The following CDH13 variants were observed in gnomAD, a reference collection of about 807,000 sequenced individuals.
CDH13 encodes cadherin-13.
A neutral mutation model predicts 63.8 loss-of-function variants in CDH13; 24 were observed. The ratio of observed to expected loss-of-function variants is 0.38; its 90% CI spans 0.27 to 0.53. The LOEUF is 0.53. Ranked by LOEUF, CDH13 falls within the 20% of genes least tolerant of loss-of-function variation. CDH13 has a pLI of 0.85. For synonymous variants in CDH13, 503 were observed against 355.3 expected (o/e 1.42, Z -4.67); for missense variants, 1,049 against 903.1 (o/e 1.16, Z -2.07).
chr16:82,915,126 G>C (rs1213790696), intron 2 of CDH13, among the ~76,000 whole-genome samples: 2 of 152,192 alleles, frequency 1.3e-5, no homozygotes, highest in African/African-American at 4.8e-5. Context: ...ACTCAAGCCT[G>C]GATGCTCTCT....
chr16:82,824,827 A>C (rs1204890462), intron 1 of CDH13: 2 of 152,230 alleles, frequency 1.3e-5, no homozygotes. Context: ...CTGCAAAAAA[A>C]TTTGTTAGAA....
chr16:83,459,754 A>T (rs189402902), intron 6 of CDH13, among the ~76,000 whole-genome samples: 59 of 152,336 alleles, frequency 3.9e-4, no homozygotes, highest in African/African-American at 1.3e-3. Context: ...TCAACTGCAT[A>T]AGGAGGTGAA....
At chr16:83,222,941 A>G (rs2151794724) in intron 5 of CDH13, among the ~76,000 whole-genome samples, 1 of 152,160 alleles carries the variant, frequency 6.6e-6, no homozygotes, top group Non-Finnish European at 1.5e-5. Flanking sequence ...TGTGAATTGT[A>G]GGAGGCTTAG....
Position 83,789,409 on chromosome 16 carries a change from C to T in CDH13, c.2135-5614C>T, listed in dbSNP as rs768931205. Reference sequence around the variant, plus strand: ...TCACCCAGGCTGGAGTGCAAGGGCGCGATTTTGGCTCACTGCAACTTCTGC... The same window carrying T: ...TCACCCAGGCTGGAGTGCAAGGGCGTGATTTTGGCTCACTGCAACTTCTGC... On this transcript the variant is annotated intron_variant, in intron 13 of 13. Transcript: ENST00000567109. 9.5e-5 allele frequency among the ~76,000 whole-genome samples: 14 copies of T among 147,636 alleles called. No individual in the cohort carries two copies. The Admixed American group carries it at 9.7e-4, about 10-fold the overall frequency.
chr16:83,224,418 G>C (rs1189553664), intron 5 of CDH13, among the ~76,000 whole-genome samples: 1 of 152,256 alleles, frequency 6.6e-6, no homozygotes, highest in Non-Finnish European at 1.5e-5. Context: ...GAGCCTGTCA[G>C]TGAGAAGCTT....
intron 1 of CDH13, among the ~76,000 whole-genome samples, chr16:82,680,700 AT>A (rs1914448578): frequency 1.3e-5 from 2 of 152,150 alleles, no homozygotes; most frequent in Non-Finnish European, 2.9e-5. Flanking sequence ...ACTTACAAAA[AT>A]GTTGGAAGAT....
chr16:83,387,006 G>T (rs1383444545), intron 6 of CDH13, among the ~76,000 whole-genome samples: 1 of 152,178 alleles, frequency 6.6e-6, no homozygotes, highest in Non-Finnish European at 1.5e-5. Context: ...TTCTTAGCCA[G>T]AATTGTGTTA....
Position 83,800,505 on chromosome 16 carries a change from C to T in CDH13, c.*5475C>T, listed in dbSNP as rs1904314945. The stretch of plus-strand genomic sequence containing the variant: ...AAAATATTCAGTCTATGGCAGATGT[C>T]GCTCCTTTGGGCCCTCACTGCTGAA... On this transcript the variant is annotated 3_prime_UTR_variant, in exon 14 of 14. Coordinates refer to ENST00000567109, the MANE Select transcript of CDH13 (RefSeq NM_001257.5). 6.6e-6 allele frequency: 1 copy of T among 152,200 alleles called. No homozygotes were observed. The highest frequency in any genetic ancestry group is 1.5e-5 in the Non-Finnish European group (1 of 68,038). The allele number at this position is 152,200 out of a possible 1,614,324, so 9.4% of individuals were successfully genotyped here.
chr16:83,374,319 C>A (rs934468839), intron 6 of CDH13, among the ~76,000 whole-genome samples: 12 of 152,268 alleles, frequency 7.9e-5, no homozygotes, highest in Admixed American at 3.9e-4. Flanking sequence ...AACCATGTGA[C>A]CCTCAAGAAG....
chr16:83,563,871 G>A (rs1459159739), intron 7 of CDH13, among the ~76,000 whole-genome samples: 1 of 152,116 alleles, frequency 6.6e-6, no homozygotes, highest in African/African-American at 2.4e-5. Flanking sequence ...GAAGTGGGAT[G>A]GGTCGTTTTG....
At position 82,639,436 on chromosome 16, in the gene CDH13, C is replaced by T. The variant is rs550740563; in HGVS notation, c.45+12299C>T. ...TGAGAATGGCCCACAGATGCCTGGG[C>T]GTGACCCACCTGCAGCTTCAACCAT... On this transcript the variant is annotated intron_variant, in intron 1 of 13. Transcript: ENST00000567109. 3,126 of 1,535,342 alleles carry T rather than the reference C, an allele frequency of 2.0e-3. 3 individuals carry two copies. Among genetic ancestry groups the T allele is most frequent in the Non-Finnish European group, 2.5e-3 (2,886 of 1,146,636 alleles).
chr16:83,682,886 C>G (rs1241482603), intron 10 of CDH13, among the ~76,000 whole-genome samples: 3 of 152,226 alleles, frequency 2.0e-5, no homozygotes, highest in African/African-American at 7.2e-5. Flanking sequence ...CACCTCCTCC[C>G]TGAGGGGGCT....
intron 3 of CDH13, among the ~76,000 whole-genome samples, chr16:83,111,198 G>A (rs1012645192): frequency 6.6e-5 from 10 of 151,852 alleles, no homozygotes; most frequent in African/African-American, 2.2e-4. Context: ...AATAGAAATG[G>A]CAAGGAATAA....
intron 3 of CDH13, among the ~76,000 whole-genome samples, chr16:83,124,100 C>T (rs13332659): frequency 0.23 from 34,643 of 152,034 alleles, 4,406 homozygotes; most frequent in East Asian, 0.38. Context: ...GGATGGAGTT[C>T]AGTGGTGTAA....
At chr16:83,158,169 C>T (rs542671474) in intron 4 of CDH13, among the ~76,000 whole-genome samples, 1 of 151,942 alleles carries the variant, frequency 6.6e-6, no homozygotes, top group Non-Finnish European at 1.5e-5. Context: ...ACTCCCACTC[C>T]CCCCGGACAA....
intron 5 of CDH13, among the ~76,000 whole-genome samples, chr16:83,232,832 C>G (rs184248631): frequency 6.6e-6 from 1 of 152,168 alleles, no homozygotes; most frequent in African/African-American, 2.4e-5. Flanking sequence ...GAATTGATAG[C>G]TCCAGCCCTT....
intron 6 of CDH13, among the ~76,000 whole-genome samples, chr16:83,423,733 G>C (rs556988997): frequency 6.6e-6 from 1 of 152,288 alleles, no homozygotes; most frequent in South Asian, 2.1e-4. Context: ...AAATATGTAG[G>C]ATCAAAACAT....
At chr16:83,085,595 C>T (rs2033541955) in intron 3 of CDH13, among the ~76,000 whole-genome samples, 1 of 152,318 alleles carries the variant, frequency 6.6e-6, no homozygotes, top group African/African-American at 2.4e-5. Flanking sequence ...TGTGTTATGA[C>T]ACAGCTATGC....
chr16:83,032,011 G>C lies in CDH13; in HGVS notation c.159G>C (p.Leu53Phe). The C allele has an allele frequency of 1.9e-6, 3 of 1,581,876 alleles. No homozygotes were observed. Among genetic ancestry groups the C allele is most frequent in the Non-Finnish European group, 2.6e-6 (3 of 1,163,112 alleles). Reference sequence around the variant, plus strand: ...TCTGTTGTTTCGTTTGTTTCCCAGTGACCTTCAGTGACTGTAAGGGAAACG... The same window carrying C: ...TCTGTTGTTTCGTTTGTTTCCCAGTCACCTTCAGTGACTGTAAGGGAAACG... ...EFIEDQSILN[L>F]TFSDCKGNDK... Residue 53 changes from leucine to phenylalanine, a missense_variant and splice_region_variant, in exon 3 of 14, where the codon TTG becomes TTC. Physicochemically the swap from Leu to Phe is conservative, Grantham distance 22 (BLOSUM62 0). Coordinates refer to ENST00000567109, the MANE Select transcript of CDH13 (RefSeq NM_001257.5).
Sources: gnomAD v4.1 joint callset for allele counts (sites outside exome capture counted in the v4.1 genomes callset) on GRCh38, gnomAD v4.1.1 for gene constraint, MANE v1.5 for transcripts, NCBI Gene and HGNC (gene_info 2026-07-23, HGNC 2026-07-21) for gene names.